Variants in NPR3 observed in about 807,000 individuals in gnomAD.
The protein encoded by NPR3 is atrial natriuretic peptide receptor 3.
Under a neutral mutation model 54.5 loss-of-function variants are expected in NPR3, and 34 were observed. The ratio of observed to expected loss-of-function variants is 0.62; its 90% confidence interval spans 0.47 to 0.83. The LOEUF (loss-of-function observed/expected upper bound fraction) is 0.83, where lower values mean the gene tolerates loss of function less well. Among genes scored for constraint, NPR3 ranks in the 40% least tolerant of loss-of-function variants. The probability of loss-of-function intolerance (pLI) is 0.00; values close to 1 mark genes in which losing one functional copy is unlikely to be tolerated. For synonymous variants in NPR3, 289 were observed against 297.1 expected, an observed-to-expected ratio of 0.97 and a Z score of 0.28; for missense variants, 674 against 720.8, an observed-to-expected ratio of 0.94 and a Z score of 0.74.
chr5:32,776,714 T>G (rs1742067567), intron 4 of NPR3, among the ~76,000 whole-genome samples: 1 of 152,214 alleles, frequency 6.6e-6, no homozygotes, highest in African/African-American at 2.4e-5. Context: ...CTGTTCAAGG[T>G]GCTGAGGATT....
At chr5:32,781,250 G>T (rs1188687988) in intron 5 of NPR3, among the ~76,000 whole-genome samples, 5 of 151,936 alleles carry the variant, frequency 3.3e-5, no homozygotes, top group South Asian at 4.1e-4. Context: ...TTCCGTGCTT[G>T]GGAGTGTGAA....
intron 2 of NPR3, among the ~76,000 whole-genome samples, chr5:32,732,221 C>T (rs1739496996): frequency 7.9e-6 from 1 of 126,146 alleles, no homozygotes; most frequent in Admixed American, 1.0e-4. Context: ...GCAGTCCGGC[C>T]TGGGCGACAG....
At chr5:32,738,250 C>A (rs1739853435) in intron 2 of NPR3, among the ~76,000 whole-genome samples, 1 of 152,094 alleles carries the variant, frequency 6.6e-6, no homozygotes, top group South Asian at 2.1e-4. Flanking sequence ...AACCCGTCAT[C>A]TACATTAGAT....
In NPR3 at chr5:32,787,947, C is replaced by T. The variant is rs1742720821; in HGVS notation, c.*1602C>T. The T allele has an allele frequency of 6.6e-6, 1 of 152,140 alleles. No individual in the cohort carries two copies. Among genetic ancestry groups the T allele is most frequent in the Non-Finnish European group, 1.5e-5 (1 of 68,038 alleles). 9.4% of individuals were successfully genotyped at this position (152,140 alleles called of 1,614,324 possible). ...TTAAAAGGCATGTCTAGTGAGGAAA[C>T]AGGAGAGTCTGAGCAATCCCTTGGT... On this transcript the variant is annotated 3_prime_UTR_variant, in exon 8 of 8. Transcript: ENST00000265074.
At chr5:32,728,930 A>C (rs183424614) in intron 2 of NPR3, among the ~76,000 whole-genome samples, 141 of 140,368 alleles carry the variant, frequency 1.0e-3, no homozygotes, top group African/African-American at 3.5e-3. Flanking sequence ...AAATCCATTT[A>C]TGTTCCATAT....
chr5:32,773,208 C>T (rs3792751), intron 3 of NPR3, among the ~76,000 whole-genome samples: 56,976 of 152,004 alleles, frequency 0.37, 10,951 homozygotes, highest in African/African-American at 0.43. Context: ...CATTTCATCA[C>T]TGACACTTTT....
At chr5:32,768,793 G>A (rs1329481380) in intron 3 of NPR3, among the ~76,000 whole-genome samples, 1 of 152,162 alleles carries the variant, frequency 6.6e-6, no homozygotes, top group Non-Finnish European at 1.5e-5. Context: ...AGTCCACGAT[G>A]GGGACAGTTA....
chr5:32,694,280 T>C (rs1430501526), intron 1 of NPR3, among the ~76,000 whole-genome samples: 1 of 152,226 alleles, frequency 6.6e-6, no homozygotes, highest in Non-Finnish European at 1.5e-5. Context: ...CATTATACAG[T>C]AAGGTCTGTT....
chr5:32,764,648 C>T (rs1027348001), intron 3 of NPR3, among the ~76,000 whole-genome samples: 31 of 151,592 alleles, frequency 2.0e-4, no homozygotes, highest in Admixed American at 1.8e-3. Flanking sequence ...GTTAGCCGGG[C>T]GTGGTGGCGG....
chr5:32,748,490 C>CA (rs1740415992), intron 3 of NPR3, among the ~76,000 whole-genome samples: 1 of 152,170 alleles, frequency 6.6e-6, no homozygotes, highest in African/African-American at 2.4e-5. Flanking sequence ...CCTAAGACTC[C>CA]AAAGGTAGGG....
At chr5:32,763,659 C>A (rs1048466982) in intron 3 of NPR3, among the ~76,000 whole-genome samples, 5 of 152,000 alleles carry the variant, frequency 3.3e-5, no homozygotes, top group Non-Finnish European at 7.4e-5. Context: ...TTTATAATAG[C>A]TGCTTTAAAA....
At chr5:32,740,134 C>A (rs1370183690) in intron 3 of NPR3, among the ~76,000 whole-genome samples, 2 of 152,356 alleles carry the variant, frequency 1.3e-5, no homozygotes, top group South Asian at 2.1e-4. Context: ...GAGATGGCCA[C>A]TTCCAAACAG....
rs766009777 is a variant in NPR3, at chr5:32,724,698, T to G, written c.770T>G (p.Val257Gly). Residue 257 changes from valine to glycine, a missense_variant and splice_region_variant, in exon 2 of 8, where the codon GTG becomes GGG. Transcript: ENST00000265074. The stretch of plus-strand genomic sequence containing the variant: ...TGTGTGTTGTTTGTTCCTCCCCTAG[T>G]GGTGATCATGTGTGCGAGCAGTGAC... Reference protein sequence around the residue: ...IVRNIQASERVVIMCASSDTI... With the variant: ...IVRNIQASERGVIMCASSDTI... 1 of 1,613,922 alleles carries G rather than the reference T, an allele frequency of 6.2e-7. No individual in the cohort carries two copies. Among genetic ancestry groups the G allele is most frequent in the Non-Finnish European group, 8.5e-7 (1 of 1,179,878 alleles).
rs1147224 is a variant in NPR3 at position 32,724,966 on chromosome 5, T to C, written c.892+146T>C. On this transcript the variant is annotated intron_variant, in intron 2 of 7. Transcript: ENST00000265074. ...CTTTATAAAACAATGGAATCATGTC[T>C]TTTGCAGCAACATTAATGGAGCTGG... 0.75 allele frequency: 655,843 copies of C among 879,460 alleles called. 251,864 individuals are homozygous for C. The highest frequency in any genetic ancestry group is 0.83 in the African/African-American group (49,354 of 59,606). 54.5% of individuals were successfully genotyped at this position (879,460 alleles called of 1,614,324 possible).
chr5:32,728,146 C>T (rs1010440555), intron 2 of NPR3, among the ~76,000 whole-genome samples: 8 of 152,066 alleles, frequency 5.3e-5, no homozygotes, highest in Non-Finnish European at 1.0e-4. Flanking sequence ...GGTTTTGGGT[C>T]TATATTCATG....
chr5:32,771,990 C>T (rs1324656366), intron 3 of NPR3, among the ~76,000 whole-genome samples: 3 of 152,064 alleles, frequency 2.0e-5, no homozygotes, highest in East Asian at 3.9e-4. Flanking sequence ...AATGAAATTA[C>T]ACCGCTACAG....
intron 5 of NPR3, among the ~76,000 whole-genome samples, chr5:32,781,485 G>A (rs1188998969): frequency 2.0e-5 from 3 of 152,052 alleles, no homozygotes; most frequent in Admixed American, 1.3e-4. Flanking sequence ...GCATTGCTCC[G>A]GTGCCCTTCA....
At chr5:32,736,679 C>G (rs900371840) in intron 2 of NPR3, among the ~76,000 whole-genome samples, 1 of 152,208 alleles carries the variant, frequency 6.6e-6, no homozygotes, top group African/African-American at 2.4e-5. Flanking sequence ...CATGCTGTAT[C>G]TTGGTGATGG....
intron 2 of NPR3, 28 bp downstream of exon 2, chr5:32,724,848 C>T: frequency 6.2e-7 from 1 of 1,613,192 alleles, no homozygotes; most frequent in Non-Finnish European, 8.5e-7. Flanking sequence ...TTCCCCTCCT[C>T]TGCTAGGGTT....
Sources: gnomAD v4.1 joint callset for allele counts (sites outside exome capture counted in the v4.1 genomes callset) on GRCh38, gnomAD v4.1.1 for gene constraint, MANE v1.5 for transcripts, NCBI Gene and HGNC (gene_info 2026-07-23, HGNC 2026-07-21) for gene names.